PPARGC1A: variants seen among roughly 807,000 people sequenced by gnomAD.
PPARGC1A encodes the protein PPARG coactivator 1 alpha, also known as peroxisome proliferator-activated receptor gamma coactivator 1-alpha.
PPARGC1A carries 25 observed loss-of-function variants against 88.7 expected under a neutral mutation model. That is an observed-to-expected ratio of 0.28 (90% CI 0.21 to 0.39). PPARGC1A has a LOEUF of 0.39. PPARGC1A is among the 10% of genes least tolerant of loss of function. The probability of loss-of-function intolerance (pLI) is 1.00; values close to 1 mark genes in which losing one functional copy is unlikely to be tolerated. For missense variants in PPARGC1A, 880 were observed against 968.7 expected, an observed-to-expected ratio of 0.91 and a Z score of 1.22; for synonymous variants, 363 against 355.6, an observed-to-expected ratio of 1.02 and a Z score of -0.24.
the PPARGC1A span, among the ~76,000 whole-genome samples, chr4:24,467,008 G>GAGAAAGAAAGAAAAGAA: frequency 7.8e-6 from 1 of 128,838 alleles, no homozygotes; most frequent in Non-Finnish European, 1.6e-5. Flanking sequence ...GAAGGAAGGG[G>GAGAAAGAAAGAAAAGAA]AGAAAGAAAG....
At chr4:23,879,774 T>C (rs551822835) in intron 2 of PPARGC1A, among the ~76,000 whole-genome samples, 56 of 152,312 alleles carry the variant, frequency 3.7e-4, no homozygotes, top group South Asian at 1.2e-3. Flanking sequence ...ACCTCCATTA[T>C]GTTGATCTGC....
the PPARGC1A span, among the ~76,000 whole-genome samples, chr4:24,177,322 T>C: frequency 6.6e-6 from 1 of 152,188 alleles, no homozygotes; most frequent in African/African-American, 2.4e-5. Flanking sequence ...TGTAGGGACA[T>C]GGATGAAGCT....
At chr4:24,030,532 T>C in the PPARGC1A span, among the ~76,000 whole-genome samples, 2 of 152,240 alleles carry the variant, frequency 1.3e-5, no homozygotes, top group Non-Finnish European at 2.9e-5. Context: ...ACCATCTTTA[T>C]GGAGATCATT....
At chr4:24,333,940 C>CAAAAAAAAA in the PPARGC1A span, among the ~76,000 whole-genome samples, 6 of 13,826 alleles carry the variant, frequency 4.3e-4, no homozygotes, top group African/African-American at 1.2e-3. Flanking sequence ...ACAACAACAA[C>CAAAAAAAAA]AAAAAAAAAA....
chr4:24,403,914 C>T, the PPARGC1A span, among the ~76,000 whole-genome samples: 1 of 152,122 alleles, frequency 6.6e-6, no homozygotes, highest in Non-Finnish European at 1.5e-5. Flanking sequence ...AATTAAGGCT[C>T]AAATGCAAAA....
chr4:23,864,589 A>C (rs1731824090), intron 2 of PPARGC1A, among the ~76,000 whole-genome samples: 1 of 152,232 alleles, frequency 6.6e-6, no homozygotes, highest in Admixed American at 6.5e-5. Context: ...ACATGCACTC[A>C]AGAACAAGAG....
At chr4:24,304,953 C>G in the PPARGC1A span, among the ~76,000 whole-genome samples, 35,483 of 151,716 alleles carry the variant, frequency 0.23, 4,296 homozygotes, top group Admixed American at 0.29. Flanking sequence ...TGGCAAACCC[C>G]GCGCCAGGTA....
At chr4:24,010,159 C>T in the PPARGC1A span, among the ~76,000 whole-genome samples, 1 of 152,132 alleles carries the variant, frequency 6.6e-6, no homozygotes, top group Non-Finnish European at 1.5e-5. Context: ...TTAGGCAAGT[C>T]CTTAACCTCT....
At chr4:24,277,033 A>G in the PPARGC1A span, among the ~76,000 whole-genome samples, 8 of 152,114 alleles carry the variant, frequency 5.3e-5, no homozygotes, top group African/African-American at 1.9e-4. Flanking sequence ...AAACAGGGAT[A>G]CCTTCAAAGG....
the PPARGC1A span, among the ~76,000 whole-genome samples, chr4:24,325,864 C>G: frequency 1.3e-5 from 2 of 152,160 alleles, no homozygotes; most frequent in Admixed American, 1.3e-4. Context: ...GACAGCCAGG[C>G]TTCTAAACCT....
chr4:23,922,456 A>G, the PPARGC1A span, among the ~76,000 whole-genome samples: 50 of 152,238 alleles, frequency 3.3e-4, no homozygotes, highest in Non-Finnish European at 6.2e-4. Flanking sequence ...CATTCACACA[A>G]TAGCTAAGAT....
At chr4:24,158,894 C>T in the PPARGC1A span, among the ~76,000 whole-genome samples, 2 of 152,156 alleles carry the variant, frequency 1.3e-5, no homozygotes, top group South Asian at 4.1e-4. Flanking sequence ...TATAATATTT[C>T]AATCACTCTA....
At chr4:23,950,308 T>C in the PPARGC1A span, among the ~76,000 whole-genome samples, 2 of 152,058 alleles carry the variant, frequency 1.3e-5, no homozygotes, top group Non-Finnish European at 2.9e-5. Context: ...ACCTCCTCTA[T>C]AAACTTCCTT....
chr4:24,296,589 G>A, the PPARGC1A span, among the ~76,000 whole-genome samples: 4 of 152,040 alleles, frequency 2.6e-5, no homozygotes, highest in African/African-American at 7.2e-5. Context: ...ATGGTTGGTG[G>A]CCATGATGTT....
chr4:24,019,601 G>C, the PPARGC1A span, among the ~76,000 whole-genome samples: 1 of 152,300 alleles, frequency 6.6e-6, no homozygotes, highest in East Asian at 1.9e-4. Context: ...TCTAAGGGTT[G>C]AGTTTTCCCA....
chr4:24,225,917 G>C, the PPARGC1A span, among the ~76,000 whole-genome samples: 5 of 152,030 alleles, frequency 3.3e-5, no homozygotes, highest in Admixed American at 2.6e-4. Flanking sequence ...AACTGAGAAT[G>C]GGACCAAATG....
the PPARGC1A span, among the ~76,000 whole-genome samples, chr4:24,326,848 G>T: frequency 1.3e-5 from 2 of 152,152 alleles, no homozygotes; most frequent in Non-Finnish European, 2.9e-5. Context: ...CCTCATGTCT[G>T]CGTGCAGCGG....
the PPARGC1A span, among the ~76,000 whole-genome samples, chr4:24,446,577 G>A: frequency 9.3e-5 from 14 of 151,250 alleles, no homozygotes; most frequent in African/African-American, 3.2e-4. Flanking sequence ...AGCAGGTGAA[G>A]TGGAAAACAC....
chr4:24,463,654 G>A, the PPARGC1A span, among the ~76,000 whole-genome samples: 1 of 152,214 alleles, frequency 6.6e-6, no homozygotes, highest in Non-Finnish European at 1.5e-5. Context: ...GGCAGGATGA[G>A]GATCTAGAAT....
Sources: gnomAD v4.1 joint callset for allele counts (sites outside exome capture counted in the v4.1 genomes callset) on GRCh38, gnomAD v4.1.1 for gene constraint, MANE v1.5 for transcripts, NCBI Gene and HGNC (gene_info 2026-07-23, HGNC 2026-07-21) for gene names.